UBR4: variants seen among roughly 807,000 people sequenced by gnomAD.
The protein encoded by UBR4 is ubiquitin protein ligase E3 component n-recognin 4.
Under a neutral mutation model 575.6 loss-of-function variants are expected in UBR4, and 124 were observed. The observed-to-expected ratio is 0.22, with a 90% CI of 0.19 to 0.25. The LOEUF is 0.25. Ranked by LOEUF, UBR4 falls within the 10% of genes least tolerant of loss-of-function variation. The pLI is 1.00. For synonymous variants in UBR4, 2,455 were observed against 2,473.7 expected, an observed-to-expected ratio of 0.99 and a Z score of 0.22; for missense variants, 4,818 against 6,478.8, an observed-to-expected ratio of 0.74 and a Z score of 8.80.
chr1:19,126,102 T>C (rs1292482507), intron 64 of UBR4, among the ~76,000 whole-genome samples: 1 of 152,138 alleles, frequency 6.6e-6, no homozygotes, highest in Non-Finnish European at 1.5e-5. Context: ...TTAAAGGGCC[T>C]CTCAGTGGTG....
At chr1:19,083,926 G>A (rs1360011536) in intron 102 of UBR4, among the ~76,000 whole-genome samples, 6 of 152,214 alleles carry the variant, frequency 3.9e-5, no homozygotes, top group Middle Eastern at 3.4e-3. Flanking sequence ...CTTCCTTGTC[G>A]GTTGACTTTC....
intron 8 of UBR4, among the ~76,000 whole-genome samples, chr1:19,196,397 A>G (rs2092458668): frequency 6.6e-6 from 1 of 152,328 alleles, no homozygotes; most frequent in Non-Finnish European, 1.5e-5. Context: ...CTCCAAGACT[A>G]TCTGCTCAAA....
intron 63 of UBR4, among the ~76,000 whole-genome samples, chr1:19,127,050 C>A (rs974745042): frequency 6.6e-6 from 1 of 152,090 alleles, no homozygotes; most frequent in Non-Finnish European, 1.5e-5. Flanking sequence ...TCTGAACGAC[C>A]CCACCCCACC....
At chr1:19,076,375 C>T (rs938931150) in intron 105 of UBR4, among the ~76,000 whole-genome samples, 2 of 152,162 alleles carry the variant, frequency 1.3e-5, no homozygotes, top group African/African-American at 2.4e-5. Context: ...AACAGGGATG[C>T]TATCACTTTC....
chr1:19,081,087 G>A (rs2076455898), intron 103 of UBR4: 1 of 406,000 alleles, frequency 2.5e-6, no homozygotes, highest in South Asian at 5.0e-5. Flanking sequence ...CCCTGTGCCT[G>A]GCTGCCTTCC....
chr1:19,173,675 C>A, intron 22 of UBR4, 54 bp from the exon 23 acceptor site: 1 of 1,546,978 alleles, frequency 6.5e-7, no homozygotes, highest in Non-Finnish European at 8.9e-7. Context: ...CTCAAGATCT[C>A]CCTCACAGTA....
rs750583813 is a variant in UBR4, at chr1:19,110,252, C to G, written c.11978-29G>C. 23 of 1,614,064 alleles carry G rather than the reference C, an allele frequency of 1.4e-5. No homozygotes were observed. Among genetic ancestry groups the G allele is most frequent in the Non-Finnish European group, 8.5e-7 (1 of 1,180,028 alleles). On this transcript the variant is annotated intron_variant, in intron 80 of 105. Coordinates refer to ENST00000375254, the MANE Select transcript of UBR4 (RefSeq NM_020765.3). This position sits in a 1 kb window ranked among gnomAD's most constrained non-coding sequence, Gnocchi z 4.5. ...GGGATGGTCAGGAAAGGCAGAGTCA[C>G]AATCAGGAACACTACACATCTGCTC... is the stretch of plus-strand genomic sequence containing the variant.
rs759058069 is a variant in UBR4, at chr1:19,093,297, C to A, written c.14111+16G>T. The stretch of plus-strand genomic sequence containing the variant: ...AAGCGAAGGCAAAGCAGCCCCGCTG[C>A]GGGAGGGCTTCATACTTCTTGGCGC... On this transcript the variant is annotated intron_variant, in intron 96 of 105. Coordinates refer to ENST00000375254, the MANE Select transcript of UBR4 (RefSeq NM_020765.3). The surrounding 1 kb of genome is among the most constrained non-coding windows in gnomAD (Gnocchi z 4.8). The A allele has an allele frequency of 3.7e-6, 6 of 1,609,634 alleles. No individual in the cohort carries two copies. The highest frequency in any genetic ancestry group is 1.1e-5 in the South Asian group (1 of 90,700).
chr1:19,107,478 C>A (rs1346583168), intron 81 of UBR4, among the ~76,000 whole-genome samples: 1 of 152,150 alleles, frequency 6.6e-6, no homozygotes, highest in Non-Finnish European at 1.5e-5. Context: ...ATTGCCATTT[C>A]TCATGTTAAA....
chr1:19,127,539 G>T (rs1359686363), intron 63 of UBR4, 84 bp downstream of exon 63: 8 of 1,019,720 alleles, frequency 7.8e-6, no homozygotes, highest in Non-Finnish European at 1.2e-5. Flanking sequence ...TCTTACAGAG[G>T]ACTACCACCT....
chr1:19,087,097 C>T (rs191209652), intron 99 of UBR4, among the ~76,000 whole-genome samples: 4 of 152,384 alleles, frequency 2.6e-5, no homozygotes, highest in Middle Eastern at 3.4e-3. Flanking sequence ...CAAGCCTCGG[C>T]CATCTTTCTT....
Position 19,177,477 on chromosome 1 carries a change from A to G in UBR4, c.2621T>C (p.Val874Ala). Residue 874 changes from valine to alanine, a missense_variant, in exon 19 of 106, where the codon GTG (valine) becomes GCG (alanine). Transcript: ENST00000375254. The stretch of plus-strand genomic sequence containing the variant: ...GGTCTGTACCTGCTCAAATAGATAC[A>G]CAGGGGCTTTGGAGTACTGATGAAG... ...YLLHQYSKAP[V>A]YLFEQVQHNL... is the part of the protein sequence containing the mutation. 6.2e-7 allele frequency: 1 copy of G among 1,614,164 alleles called. No homozygotes were observed. Among genetic ancestry groups the G allele is most frequent in the East Asian group, 2.2e-5 (1 of 44,876 alleles).
At chr1:19,107,929 T>C (rs1208803836) in intron 81 of UBR4, among the ~76,000 whole-genome samples, 3 of 152,250 alleles carry the variant, frequency 2.0e-5, no homozygotes, top group African/African-American at 7.2e-5. Flanking sequence ...TGGCACTGTT[T>C]TACATTTTTG....
intron 84 of UBR4, 117 bp from the exon 85 acceptor site, chr1:19,105,306 C>T (rs955254139): frequency 2.1e-5 from 27 of 1,261,644 alleles, no homozygotes; most frequent in Non-Finnish European, 2.9e-5. Flanking sequence ...TCTCCTGCTT[C>T]CTAGAGGGTG....
intron 49 of UBR4, chr1:19,149,871 C>G: frequency 8.3e-7 from 1 of 1,199,642 alleles, no homozygotes; most frequent in Non-Finnish European, 1.1e-6. Flanking sequence ...ACATCCTAAG[C>G]AAACCATGTA....
At position 19,121,191 on chromosome 1, in the gene UBR4, T is replaced by C. The variant is rs1020517593; in HGVS notation, c.10139A>G (p.Asp3380Gly). 6.2e-7 allele frequency: 1 copy of C among 1,613,778 alleles called. No individual in the cohort carries two copies. The highest frequency in any genetic ancestry group is 1.1e-5 in the South Asian group (1 of 90,860). The change falls in exon 68 of 106, where the codon GAT (aspartate) becomes GGT (glycine). Residue 3380 changes from aspartate (D) to glycine (G), a missense_variant and splice_region_variant. Around this residue, in one of 29 missense-constraint regions of UBR4, gnomAD observed 550 missense variants for 791.5 expected, o/e 0.69. Transcript: ENST00000375254. ...AATGACAAGAGGGTGACCCTTACCATCTTTCTCCTTTTCTTTTTCTTCTTT... is the reference window on the plus strand; with the variant it reads ...AATGACAAGAGGGTGACCCTTACCACCTTTCTCCTTTTCTTTTTCTTCTTT... ...SKKEEKEKEK[D>G]GETSGSQEDQ...
chr1:19,202,860 G>A (rs1336684167), intron 1 of UBR4, among the ~76,000 whole-genome samples: 2 of 152,158 alleles, frequency 1.3e-5, no homozygotes, highest in Non-Finnish European at 2.9e-5. Context: ...GTCCACGCAG[G>A]TGGATGACGA....
At chr1:19,104,968 C>CAAAA in intron 85 of UBR4, 80 bp downstream of exon 85, 1 of 1,531,800 alleles carries the variant, frequency 6.5e-7, no homozygotes, top group African/African-American at 1.4e-5. Flanking sequence ...AACAAACAAA[C>CAAAA]AAAACACCAT....
At chr1:19,096,470 G>A (rs2078063860) in intron 92 of UBR4, 53 bp downstream of exon 92, 10 of 1,586,844 alleles carry the variant, frequency 6.3e-6, no homozygotes, top group Admixed American at 1.8e-5. Context: ...TTCCACAGGG[G>A]CCTCTCCCAG....
Sources: allele counts gnomAD v4.1 joint callset (sites outside exome capture counted in the v4.1 genomes callset), GRCh38; gene constraint gnomAD v4.1.1; regional missense constraint gnomAD v4.1.1; non-coding constraint Gnocchi (gnomAD v3.1); transcripts MANE v1.5; gene names NCBI Gene and HGNC (gene_info 2026-07-23, HGNC 2026-07-21).